The following AFG3L2 variants were observed in gnomAD, a reference collection of about 807,000 sequenced individuals.
AFG3L2 encodes the protein mitochondrial inner membrane m-AAA protease component AFG3L2.
Under a neutral mutation model 94.5 loss-of-function variants are expected in AFG3L2, and 54 were observed. The ratio of observed to expected loss-of-function variants is 0.57; its 90% CI spans 0.46 to 0.72. The LOEUF is 0.72. Among genes scored for constraint, AFG3L2 ranks in the 30% least tolerant of loss-of-function variants. The pLI is 0.00. For missense variants in AFG3L2, 754 were observed against 994.9 expected, an observed-to-expected ratio of 0.76 and a Z score of 3.26; for synonymous variants, 377 against 365.5, an observed-to-expected ratio of 1.03 and a Z score of -0.36.
chr18:12,371,029 C>T (rs2143232237), intron 2 of AFG3L2, 103 bp from the exon 3 acceptor site: 1 of 716,422 alleles, frequency 1.4e-6, no homozygotes, highest in Admixed American at 2.5e-5. Context: ...AAAGCACAAG[C>T]TGGCCAGGCG....
chr18:12,348,114 A>G (rs1214582143), intron 13 of AFG3L2, among the ~76,000 whole-genome samples, 159 bp downstream of exon 13: 3 of 152,168 alleles, frequency 2.0e-5, no homozygotes, highest in Admixed American at 2.0e-4. Context: ...GAGGAGAGGC[A>G]TGGGAGGGGC....
chr18:12,344,704 AT>A (rs1908076179), intron 13 of AFG3L2, among the ~76,000 whole-genome samples: 1 of 151,922 alleles, frequency 6.6e-6, no homozygotes, highest in Admixed American at 6.6e-5. Context: ...TAAGTTAAAA[AT>A]TTTTTTAAAA....
chr18:12,333,003 A>G (rs1907602874), intron 16 of AFG3L2, among the ~76,000 whole-genome samples: 2 of 62,472 alleles, frequency 3.2e-5, no homozygotes, highest in African/African-American at 9.5e-5. Flanking sequence ...TAAATTATAT[A>G]TAATATAAAA....
intron 6 of AFG3L2, among the ~76,000 whole-genome samples, chr18:12,363,392 T>C (rs1044840094): frequency 6.6e-6 from 1 of 152,254 alleles, no homozygotes; most frequent in Non-Finnish European, 1.5e-5. Context: ...ATGGTGGGGA[T>C]GCTTTTAAAC....
chr18:12,353,917 A>C (rs1908402020), intron 9 of AFG3L2, among the ~76,000 whole-genome samples: 1 of 152,204 alleles, frequency 6.6e-6, no homozygotes, highest in Non-Finnish European at 1.5e-5. Flanking sequence ...ACACATATAC[A>C]GTGAAGCCAA....
chr18:12,341,193 G>C (rs1365711799), intron 14 of AFG3L2: 2 of 152,122 alleles, frequency 1.3e-5, no homozygotes, highest in African/African-American at 4.8e-5. Context: ...GAAGGAAGAG[G>C]GGTACAGCAG....
chr18:12,349,884 A>G (rs1908259153), intron 12 of AFG3L2, among the ~76,000 whole-genome samples: 1 of 151,342 alleles, frequency 6.6e-6, no homozygotes, highest in Non-Finnish European at 1.5e-5. Flanking sequence ...CTGGTCTTGA[A>G]CTCCTGACGT....
intron 1 of AFG3L2, among the ~76,000 whole-genome samples, chr18:12,374,204 G>A (rs980404337): frequency 9.2e-5 from 14 of 152,190 alleles, no homozygotes; most frequent in Admixed American, 9.2e-4. Context: ...CTCTGCATAT[G>A]TAATCCAAGA....
chr18:12,356,312 T>G (rs1908493998), intron 9 of AFG3L2, among the ~76,000 whole-genome samples: 1 of 152,158 alleles, frequency 6.6e-6, no homozygotes, highest in South Asian at 2.1e-4. Flanking sequence ...CGACCACGCC[T>G]GGCTAATTTT....
chr18:12,356,412 A>G lies in AFG3L2; in HGVS notation c.1164+282T>C, dbSNP rs563112135. Among the ~76,000 whole-genome samples, 4 of 152,304 alleles carry G rather than the reference A, an allele frequency of 2.6e-5. No homozygotes were observed. The South Asian group carries it at 8.3e-4, about 32-fold the overall frequency. On this transcript the variant is annotated intron_variant, in intron 9 of 16. Coordinates refer to ENST00000269143, the MANE Select transcript of AFG3L2 (RefSeq NM_006796.3). ...AGCGTTCCACCCACTTCAGCCTTCC[A>G]AAGTGCTGGAATTACAGGCATGAGC...
At chr18:12,345,087 C>T (rs765129996) in intron 13 of AFG3L2, among the ~76,000 whole-genome samples, 21 of 152,188 alleles carry the variant, frequency 1.4e-4, no homozygotes, top group Non-Finnish European at 2.2e-4. Context: ...GTTCAACACC[C>T]GGAGCTACCT....
At chr18:12,356,937 T>G in intron 8 of AFG3L2, 106 bp from the exon 9 acceptor site, 2 of 1,131,228 alleles carry the variant, frequency 1.8e-6, no homozygotes, top group South Asian at 2.7e-5. Context: ...ATCTTATTGA[T>G]ATATATTAAA....
In AFG3L2 at chr18:12,329,307, C is replaced by T; in HGVS notation, c.*258G>A. ...GGTCCAGCCTCGGCCACTCTGGGCT[C>T]AACCTTTCCAGCACGTCTGGGAGCC... On this transcript the variant is annotated 3_prime_UTR_variant, in exon 17 of 17. Transcript: ENST00000269143. 1.5e-6 allele frequency: 1 copy of T among 684,574 alleles called. No homozygotes were observed. Among genetic ancestry groups the T allele is most frequent in the East Asian group, 2.7e-5 (1 of 37,132 alleles). The allele number at this position is 684,574 out of a possible 1,614,324, so 42.4% of individuals were successfully genotyped here.
At chr18:12,348,997 T>C (rs1156235529) in intron 12 of AFG3L2, among the ~76,000 whole-genome samples, 1 of 152,204 alleles carries the variant, frequency 6.6e-6, no homozygotes, top group Non-Finnish European at 1.5e-5. Context: ...AAAGTTAGGA[T>C]CCCTGGAACA....
At chr18:12,350,934 G>A in intron 12 of AFG3L2, 151 bp downstream of exon 12, 2 of 1,040,336 alleles carry the variant, frequency 1.9e-6, no homozygotes, top group South Asian at 1.4e-5. Flanking sequence ...GCAATTAAGT[G>A]AGACCCTGTC....
At chr18:12,353,307 G>A in intron 9 of AFG3L2, 149 bp from the exon 10 acceptor site, 1 of 901,266 alleles carries the variant, frequency 1.1e-6, no homozygotes, top group Non-Finnish European at 1.7e-6. Flanking sequence ...CTGAGGTCAG[G>A]AGTTCGAGAC....
rs538676434 is a variant in AFG3L2, at chr18:12,359,015, T to C, written c.753-72A>G. On this transcript the variant is annotated intron_variant, in intron 7 of 16. Transcript: ENST00000269143. ...CAGCTTTCACATGTGGTGCAAGATA[T>C]CAATATAAATATATATAGCTACACC... The C allele has an allele frequency of 1.9e-6, 3 of 1,546,214 alleles. No homozygotes were observed. The African/African-American group carries it at 4.1e-5, about 21-fold the overall frequency.
At chr18:12,339,718 G>A (rs1425231092) in intron 15 of AFG3L2, among the ~76,000 whole-genome samples, 1 of 151,214 alleles carries the variant, frequency 6.6e-6, no homozygotes, top group Non-Finnish European at 1.5e-5. Flanking sequence ...GCGTGGTGGT[G>A]GGCGCCTGTA....
chr18:12,367,069 T>G lies in AFG3L2; in HGVS notation c.448A>C (p.Thr150Pro). ...ATGACTCCACCCCAGAACAGAGCAGTCCAGAGGAAGAACATCCTGAAATCC... is the reference window on the plus strand; with the variant it reads ...ATGACTCCACCCCAGAACAGAGCAGGCCAGAGGAAGAACATCCTGAAATCC... ...DKDFRMFFLWTALFWGGVMFY... is the reference protein window; with the variant it reads ...DKDFRMFFLWPALFWGGVMFY... The change falls in exon 5 of 17, where the codon ACT becomes CCT. Residue 150 changes from threonine (T) to proline (P), a missense_variant. Transcript: ENST00000269143. 6.2e-7 allele frequency: 1 copy of G among 1,614,218 alleles called. No individual in the cohort carries two copies. Among genetic ancestry groups the G allele is most frequent in the Non-Finnish European group, 8.5e-7 (1 of 1,180,042 alleles).
Sources: allele counts gnomAD v4.1 joint callset (sites outside exome capture counted in the v4.1 genomes callset), GRCh38; gene constraint gnomAD v4.1.1; transcripts MANE v1.5; gene names NCBI Gene and HGNC (gene_info 2026-07-23, HGNC 2026-07-21).